Variants in MBD5 observed in about 807,000 individuals in gnomAD.
MBD5 encodes the protein methyl-CpG binding domain protein 5.
MBD5 carries 13 observed loss-of-function variants against 117.3 expected under a neutral mutation model. The ratio of observed to expected loss-of-function variants is 0.11; its 90% CI spans 0.07 to 0.18. MBD5 has a LOEUF of 0.18. Ranked by LOEUF, MBD5 falls within the 10% of genes least tolerant of loss-of-function variation. The probability of loss-of-function intolerance (pLI) is 1.00; values close to 1 mark genes in which losing one functional copy is unlikely to be tolerated. For synonymous variants in MBD5, 727 were observed against 766.4 expected, an observed-to-expected ratio of 0.95 and a Z score of 0.85; for missense variants, 1,879 against 2,093.8, an observed-to-expected ratio of 0.90 and a Z score of 2.00.
intron 3 of MBD5, among the ~76,000 whole-genome samples, chr2:148,338,378 C>T (rs910211254): frequency 1.3e-5 from 2 of 151,986 alleles, no homozygotes; most frequent in Non-Finnish European, 2.9e-5. Context: ...ATGTGTCTGT[C>T]ATGTTGTTGA....
chr2:148,188,942 T>A (rs1040473567), intron 2 of MBD5, among the ~76,000 whole-genome samples: 1 of 151,538 alleles, frequency 6.6e-6, no homozygotes, highest in Non-Finnish European at 1.5e-5. Context: ...TTGCCTCACC[T>A]GGGAAGCGCA....
intron 4 of MBD5, among the ~76,000 whole-genome samples, chr2:148,407,339 A>AGTGTGTGT (rs34324249): frequency 1.0e-3 from 140 of 140,192 alleles, no homozygotes; most frequent in African/African-American, 3.5e-3. Flanking sequence ...TGGCTTTCTG[A>AGTGTGTGT]GTGTGTGTGT....
At chr2:148,434,544 A>C (rs980966664) in intron 4 of MBD5, among the ~76,000 whole-genome samples, 6 of 151,872 alleles carry the variant, frequency 4.0e-5, no homozygotes, top group African/African-American at 1.5e-4. Context: ...AGGTTGTTTA[A>C]TTTCCATGTA....
At chr2:148,492,542 A>G (rs1681561491) in intron 11 of MBD5, among the ~76,000 whole-genome samples, 1 of 152,134 alleles carries the variant, frequency 6.6e-6, no homozygotes, top group Non-Finnish European at 1.5e-5. Flanking sequence ...TCATTTAAAA[A>G]GCAAGGTATA....
chr2:148,075,896 A>G (rs929172893), intron 1 of MBD5, among the ~76,000 whole-genome samples: 6 of 152,118 alleles, frequency 3.9e-5, no homozygotes, highest in Admixed American at 2.0e-4. Context: ...CACAGCTTGG[A>G]ATCGTATCCA....
rs936269256 is a variant in MBD5 at position 148,139,432 on chromosome 2, C to T, written c.-924-39268C>T. Among the ~76,000 whole-genome samples, 3 of 152,124 alleles carry T rather than the reference C, an allele frequency of 2.0e-5. No individual in the cohort carries two copies. In the East Asian group the frequency reaches 5.8e-4, roughly 29 times the overall value. Reference sequence around the variant, plus strand: ...TGTTGGTCAAGCTGGTCTCGAAATCCTGACCTCGGGTGATCTGCCCGAGGC... The same window carrying T: ...TGTTGGTCAAGCTGGTCTCGAAATCTTGACCTCGGGTGATCTGCCCGAGGC... On this transcript the variant is annotated intron_variant, in intron 1 of 13. Transcript: ENST00000642680.
rs1258118897 is a variant in MBD5 at position 148,276,468 on chromosome 2, C to T, written c.-680+43073C>T. On this transcript the variant is annotated intron_variant, in intron 3 of 13. Transcript: ENST00000642680. ...TTTATCTCTCACCATACACATGCAT[C>T]ACTTATTTTGCTAAACCATTTAAGA... 3.3e-5 allele frequency among the ~76,000 whole-genome samples: 5 copies of T among 152,186 alleles called. No individual in the cohort carries two copies. The South Asian group carries it at 8.3e-4, about 25-fold the overall frequency.
At chr2:148,447,432 T>C (rs896215055) in intron 4 of MBD5, 1 of 152,294 alleles carries the variant, frequency 6.6e-6, no homozygotes, top group Non-Finnish European at 1.5e-5. Flanking sequence ...AATGATCTAC[T>C]AAGAATTCAT....
At chr2:148,353,396 T>G (rs893912399) in intron 4 of MBD5, among the ~76,000 whole-genome samples, 1 of 152,170 alleles carries the variant, frequency 6.6e-6, no homozygotes, top group Admixed American at 6.6e-5. Context: ...CTCTTTCCAC[T>G]TTTCCTTTGA....
rs111299098 is a variant in MBD5 at position 148,472,743 on chromosome 2, A to G, written c.2518+2282A>G. ...TCTAGGAGTGTTACTGAGTATTTCT[A>G]TGATACCAGAAAGACATTAGAAGAA... On this transcript the variant is annotated intron_variant, in intron 8 of 13. Coordinates refer to ENST00000642680, the MANE Select transcript of MBD5 (RefSeq NM_001378120.1). Among the ~76,000 whole-genome samples, 495 of 152,300 alleles carry G rather than the reference A, an allele frequency of 3.3e-3. 4 individuals carry two copies. The highest frequency in any genetic ancestry group is 0.011 in the African/African-American group (468 of 41,576).
At chr2:148,241,495 G>T (rs577174781) in intron 3 of MBD5, among the ~76,000 whole-genome samples, 2 of 152,178 alleles carry the variant, frequency 1.3e-5, no homozygotes, top group Admixed American at 1.3e-4. Context: ...TTTCCACTGG[G>T]TTTTTTGGAG....
intron 1 of MBD5, among the ~76,000 whole-genome samples, chr2:148,169,490 A>G (rs1698205947): frequency 6.6e-6 from 1 of 152,190 alleles, no homozygotes; most frequent in African/African-American, 2.4e-5. Context: ...TTTGCATACA[A>G]GTTACACAAA....
At chr2:148,050,101 T>C (rs1034304415) in intron 1 of MBD5, among the ~76,000 whole-genome samples, 1 of 152,166 alleles carries the variant, frequency 6.6e-6, no homozygotes, top group Non-Finnish European at 1.5e-5. Flanking sequence ...TGACTCTATG[T>C]TTAACATCCA....
chr2:148,498,292 T>G (rs917197760), intron 11 of MBD5, among the ~76,000 whole-genome samples: 1 of 152,224 alleles, frequency 6.6e-6, no homozygotes, highest in South Asian at 2.1e-4. Flanking sequence ...TGCAGAAAAT[T>G]TTAACATCAT....
At chr2:148,194,986 A>C (rs1023862384) in intron 2 of MBD5, among the ~76,000 whole-genome samples, 12 of 152,198 alleles carry the variant, frequency 7.9e-5, no homozygotes, top group Admixed American at 1.3e-4. Context: ...ACACATTATA[A>C]CTATTTTAAG....
At chr2:148,169,900 CTT>C (rs11284103) in intron 1 of MBD5, among the ~76,000 whole-genome samples, 263 of 132,036 alleles carry the variant, frequency 2.0e-3, no homozygotes, top group Middle Eastern at 3.9e-3. Context: ...AGGGATTCTT[CTT>C]TTTTTTTTTT....
At chr2:148,510,612 G>A (rs1446482729) in intron 13 of MBD5, among the ~76,000 whole-genome samples, 2 of 152,200 alleles carry the variant, frequency 1.3e-5, no homozygotes, top group Non-Finnish European at 2.9e-5. Context: ...TTATGCTCCA[G>A]TTCACATATT....
chr2:148,469,429 A>G lies in MBD5; in HGVS notation c.1486A>G (p.Thr496Ala). The change falls in exon 8 of 14, where the codon ACA (threonine) becomes GCA (alanine). Residue 496 changes from threonine (T) to alanine (A), a missense_variant. Thr to Ala is a moderately conservative substitution (Grantham distance 58, BLOSUM62 0). This residue lies in a region of MBD5 where 1,666 missense variants were observed against 1,792.2 expected (regional missense o/e 0.93). Transcript: ENST00000642680. ...IKVPPRSPRSTIGSPRPSMPS... is the reference protein window; with the variant it reads ...IKVPPRSPRSAIGSPRPSMPS... Reference sequence around the variant, plus strand: ...GGTTCCACCCAGGTCACCAAGGTCAACAATAGGGTCCCCAAGGCCATCAAT... The same window carrying G: ...GGTTCCACCCAGGTCACCAAGGTCAGCAATAGGGTCCCCAAGGCCATCAAT... The G allele has an allele frequency of 6.2e-7, 1 of 1,613,916 alleles. No homozygotes were observed. The highest frequency in any genetic ancestry group is 8.5e-7 in the Non-Finnish European group (1 of 1,179,942).
chr2:148,359,266 CAAAAA>C (rs3076505), intron 4 of MBD5, among the ~76,000 whole-genome samples: 3 of 123,270 alleles, frequency 2.4e-5, no homozygotes, highest in Non-Finnish European at 3.6e-5. Context: ...GGCTCTGTCT[CAAAAA>C]AAAAAAAAAA....
Sources: allele counts gnomAD v4.1 joint callset (sites outside exome capture counted in the v4.1 genomes callset), GRCh38; gene constraint gnomAD v4.1.1; regional missense constraint gnomAD v4.1.1; transcripts MANE v1.5; gene names NCBI Gene and HGNC (gene_info 2026-07-23, HGNC 2026-07-21).